CAMTA1: variants seen among roughly 807,000 people sequenced by gnomAD.
CAMTA1 encodes calmodulin binding transcription activator 1, also known as calmodulin-binding transcription activator 1.
CAMTA1 carries 27 observed loss-of-function variants against 170.9 expected under a neutral mutation model. That is an observed-to-expected ratio of 0.16 (90% confidence interval 0.12 to 0.22). CAMTA1 has a LOEUF of 0.22. Among genes scored for constraint, CAMTA1 ranks in the 10% least tolerant of loss-of-function variants. The pLI is 1.00. For synonymous variants in CAMTA1, 833 were observed against 891.5 expected (o/e 0.93, Z 1.17); for missense variants, 1,619 against 2,217.2 (o/e 0.73, Z 5.42).
chr1:7,566,097 AC>A (rs2095038065), intron 6 of CAMTA1, among the ~76,000 whole-genome samples: 1 of 152,206 alleles, frequency 6.6e-6, no homozygotes, highest in African/African-American at 2.4e-5. Context: ...GTGGCAGGAT[AC>A]AATTCAGCCA....
At chr1:7,442,372 C>T (rs995604940) in intron 5 of CAMTA1, among the ~76,000 whole-genome samples, 22 of 152,130 alleles carry the variant, frequency 1.4e-4, no homozygotes, top group South Asian at 2.1e-4. Context: ...CAGCTGGGGA[C>T]GGAGCTTCCC....
chr1:6,939,427 C>A (rs1202386329), intron 3 of CAMTA1, among the ~76,000 whole-genome samples: 1 of 152,198 alleles, frequency 6.6e-6, no homozygotes, highest in Non-Finnish European at 1.5e-5. Flanking sequence ...TAAACACAAT[C>A]ATTTTCCAAT....
intron 5 of CAMTA1, among the ~76,000 whole-genome samples, chr1:7,271,414 C>T (rs1307557989): frequency 1.3e-5 from 2 of 151,972 alleles, no homozygotes; most frequent in Admixed American, 6.6e-5. Flanking sequence ...TTATAGCGTC[C>T]TGAGCAGACA....
intron 6 of CAMTA1, among the ~76,000 whole-genome samples, chr1:7,587,908 C>T (rs2095324381): frequency 6.6e-6 from 1 of 152,110 alleles, no homozygotes; most frequent in African/African-American, 2.4e-5. Flanking sequence ...TGGAAGGAAA[C>T]GTAAAGCACC....
intron 4 of CAMTA1, among the ~76,000 whole-genome samples, chr1:7,145,725 G>T (rs1375543655): frequency 2.0e-5 from 3 of 152,228 alleles, no homozygotes; most frequent in South Asian, 4.1e-4. Context: ...TGAGCACAGA[G>T]GGGCCGGGAC....
rs1176238441 is a variant in CAMTA1, at chr1:7,499,688, G to A, written c.510+31787G>A. 4.1e-5 allele frequency among the ~76,000 whole-genome samples: 6 copies of A among 144,634 alleles called. 1 individual carries two copies. The highest frequency in any genetic ancestry group is 1.5e-4 in the African/African-American group (6 of 38,748). The allele number at this position is 144,634 out of a possible 152,430, so 94.9% of individuals were successfully genotyped here. On this transcript the variant is annotated intron_variant, in intron 6 of 22. Transcript: ENST00000303635. ...GTGCATGAGTGTGTGTGAACCTGGT[G>A]TGCGTGCATATGTATATGAGTGTGT...
At chr1:7,654,591 GCT>G (rs2149061656) in intron 7 of CAMTA1, among the ~76,000 whole-genome samples, 1 of 79,414 alleles carries the variant, frequency 1.3e-5, no homozygotes, top group African/African-American at 4.6e-5. Flanking sequence ...CATACACACA[GCT>G]ATACACACAC....
At position 7,664,978 on chromosome 1, in the gene CAMTA1, C is replaced by G; in HGVS notation, c.2431C>G (p.Arg811Gly). Residue 811 changes from arginine to glycine, a missense_variant, in exon 9 of 23, where the codon CGG becomes GGG. Arg to Gly is a moderately radical substitution (Grantham distance 125). Coordinates refer to ENST00000303635, the MANE Select transcript of CAMTA1 (RefSeq NM_015215.4). ...TALSQSEDGA[R>G]APFTQAEMCL... ...GCTCTCACAGTCAGAGGACGGGGCG[C>G]GGGCCCCCTTCACCCAGGCAGAGAT... is the stretch of plus-strand genomic sequence containing the variant. 1.2e-6 allele frequency: 2 copies of G among 1,610,494 alleles called. No homozygotes were observed. The highest frequency in any genetic ancestry group is 1.7e-6 in the Non-Finnish European group (2 of 1,178,546).
At chr1:7,175,512 G>A (rs1055134882) in intron 4 of CAMTA1, among the ~76,000 whole-genome samples, 1 of 152,248 alleles carries the variant, frequency 6.6e-6, no homozygotes, top group Non-Finnish European at 1.5e-5. Flanking sequence ...AATGCTCTAT[G>A]TGTTGTATTA....
intron 3 of CAMTA1, among the ~76,000 whole-genome samples, chr1:6,983,000 C>T (rs369196557): frequency 9.9e-5 from 15 of 152,230 alleles, no homozygotes; most frequent in African/African-American, 2.6e-4. Flanking sequence ...CTTTCTGGAG[C>T]GGGGAGCCTC....
chr1:6,803,530 T>C (rs992910200), intron 1 of CAMTA1, among the ~76,000 whole-genome samples: 5 of 152,356 alleles, frequency 3.3e-5, no homozygotes, highest in African/African-American at 4.8e-5. Context: ...GCTACTAGCC[T>C]GCGCACCGTT....
chr1:7,367,410 A>G (rs2086058230), intron 5 of CAMTA1, among the ~76,000 whole-genome samples: 1 of 152,252 alleles, frequency 6.6e-6, no homozygotes, highest in Non-Finnish European at 1.5e-5. Flanking sequence ...GTTTACTTGT[A>G]CTTCCTTCCT....
At chr1:7,103,941 C>G (rs1164932523) in intron 4 of CAMTA1, among the ~76,000 whole-genome samples, 4 of 147,720 alleles carry the variant, frequency 2.7e-5, no homozygotes, top group African/African-American at 7.5e-5. Context: ...TACACACATA[C>G]AGCACACACG....
intron 5 of CAMTA1, among the ~76,000 whole-genome samples, chr1:7,420,107 A>G (rs1231745186): frequency 2.0e-5 from 3 of 151,652 alleles, no homozygotes; most frequent in South Asian, 4.2e-4. Context: ...CCCAGTGGGG[A>G]CCTCCACTCT....
chr1:7,056,785 G>A lies in CAMTA1; in HGVS notation c.235-34519G>A, dbSNP rs1286840884. 2.6e-5 allele frequency among the ~76,000 whole-genome samples: 4 copies of A among 152,130 alleles called. 1 individual carries two copies. Among genetic ancestry groups the A allele is most frequent in the Non-Finnish European group, 4.4e-5 (3 of 68,016 alleles). The stretch of plus-strand genomic sequence containing the variant: ...GGGCCTGCACTGCTGGGAAAGTACC[G>A]AAGCTTGTGATCTTTCAAAGGAGTT... On this transcript the variant is annotated intron_variant, in intron 3 of 22. Coordinates refer to ENST00000303635, the MANE Select transcript of CAMTA1 (RefSeq NM_015215.4).
chr1:6,822,038 A>G (rs1283951015), intron 2 of CAMTA1, among the ~76,000 whole-genome samples: 1 of 152,152 alleles, frequency 6.6e-6, no homozygotes, highest in Admixed American at 6.5e-5. Flanking sequence ...TGTAAAGTCT[A>G]ATACCATACA....
In CAMTA1 at chr1:7,010,906, G is replaced by GC. The variant is rs1699682818; in HGVS notation, c.235-80397dup. ...ACCTAAGCAGGTGCCCTAACCAGCA[G>GC]CAGCTGAGCACTGAGCCCTGGGAAC... On this transcript the variant is annotated intron_variant, in intron 3 of 22. Coordinates refer to ENST00000303635, the MANE Select transcript of CAMTA1 (RefSeq NM_015215.4). This position sits in a 1 kb window ranked among gnomAD's most constrained non-coding sequence, Gnocchi z 4.4. 6.6e-6 allele frequency among the ~76,000 whole-genome samples: 1 copy of GC among 152,236 alleles called. No homozygotes were observed. Among genetic ancestry groups the GC allele is most frequent in the African/African-American group, 2.4e-5 (1 of 41,462 alleles).
chr1:7,122,618 G>T (rs1644710735), intron 4 of CAMTA1, among the ~76,000 whole-genome samples: 1 of 152,138 alleles, frequency 6.6e-6, no homozygotes, highest in Admixed American at 6.6e-5. Context: ...TTATTTCCTA[G>T]CCAAGTCAGC....
intron 7 of CAMTA1, among the ~76,000 whole-genome samples, chr1:7,649,161 G>A (rs2149015007): frequency 6.6e-6 from 1 of 152,360 alleles, no homozygotes; most frequent in South Asian, 2.1e-4. Flanking sequence ...TTTTGCAGCT[G>A]AGGTGTTGGT....
Sources: allele counts gnomAD v4.1 joint callset (sites outside exome capture counted in the v4.1 genomes callset), GRCh38; gene constraint gnomAD v4.1.1; non-coding constraint Gnocchi (gnomAD v3.1); transcripts MANE v1.5; gene names NCBI Gene and HGNC (gene_info 2026-07-23, HGNC 2026-07-21).